Variants in MAF observed in about 807,000 individuals in gnomAD.
The protein encoded by MAF is MAF bZIP transcription factor.
A neutral mutation model predicts 22.0 loss-of-function variants in MAF; 10 were observed. The ratio of observed to expected loss-of-function variants is 0.45; its 90% confidence interval spans 0.28 to 0.77. MAF has a LOEUF of 0.77. Among genes scored for constraint, MAF ranks in the 30% least tolerant of loss-of-function variants. The pLI, the probability that MAF is intolerant of heterozygous loss-of-function variation, is 0.12. For missense variants in MAF, 544 were observed against 548.4 expected (o/e 0.99, Z 0.08); for synonymous variants, 337 against 255.8 (o/e 1.32, Z -3.03).
At chr16:79,560,951 A>T in the MAF span, among the ~76,000 whole-genome samples, 1 of 152,182 alleles carries the variant, frequency 6.6e-6, no homozygotes, top group African/African-American at 2.4e-5. Flanking sequence ...AACTGCATTC[A>T]AGGTTTGCTC....
At chr16:79,413,512 C>T in the MAF span, among the ~76,000 whole-genome samples, 21 of 151,444 alleles carry the variant, frequency 1.4e-4, no homozygotes, top group Admixed American at 1.3e-3. Context: ...GGATTACAAG[C>T]GTGAGCCACC....
chr16:79,272,264 C>G, the MAF span, among the ~76,000 whole-genome samples: 1 of 152,198 alleles, frequency 6.6e-6, no homozygotes, highest in Non-Finnish European at 1.5e-5. Flanking sequence ...CAGCAAACAC[C>G]AGGCGGAGAA....
chr16:79,394,607 T>A, the MAF span, among the ~76,000 whole-genome samples: 1 of 152,136 alleles, frequency 6.6e-6, no homozygotes, highest in Non-Finnish European at 1.5e-5. Flanking sequence ...TGGGTCAATA[T>A]CAGTACTTCC....
chr16:79,563,159 C>T, the MAF span, among the ~76,000 whole-genome samples: 39 of 152,248 alleles, frequency 2.6e-4, no homozygotes, highest in Non-Finnish European at 5.6e-4. Context: ...ACTGGACTTT[C>T]CAGACACCAA....
chr16:79,342,576 CCATCACTGTCACCATCACCATCAT>C, the MAF span, among the ~76,000 whole-genome samples: 1 of 152,078 alleles, frequency 6.6e-6, no homozygotes, highest in African/African-American at 2.4e-5. Context: ...ATCACCATCA[CCATCACTGTCACCATCACCATCAT>C]CATCATTGTC....
chr16:79,207,812 G>C, the MAF span, among the ~76,000 whole-genome samples: 4 of 151,106 alleles, frequency 2.6e-5, no homozygotes, highest in African/African-American at 9.7e-5. Context: ...ACCATATATT[G>C]TTTATCAGAA....
chr16:79,414,656 G>A, the MAF span, among the ~76,000 whole-genome samples: 4 of 152,272 alleles, frequency 2.6e-5, no homozygotes, highest in East Asian at 7.7e-4. Context: ...CTTGAAAGCT[G>A]GAAGGAAAAC....
chr16:79,433,765 G>C, the MAF span, among the ~76,000 whole-genome samples: 20 of 152,084 alleles, frequency 1.3e-4, no homozygotes, highest in African/African-American at 4.6e-4. Flanking sequence ...GAGATGTAGG[G>C]CTGGGACTTA....
the MAF span, among the ~76,000 whole-genome samples, chr16:79,370,977 C>A: frequency 6.6e-6 from 1 of 152,184 alleles, no homozygotes; most frequent in Non-Finnish European, 1.5e-5. Context: ...TTAAAAGAAC[C>A]ACCATTTTAT....
chr16:79,545,209 T>C, the MAF span, among the ~76,000 whole-genome samples: 1 of 152,186 alleles, frequency 6.6e-6, no homozygotes, highest in Non-Finnish European at 1.5e-5. Flanking sequence ...GGGCAGAACA[T>C]GCATTACAAA....
chr16:79,571,295 A>C, the MAF span, among the ~76,000 whole-genome samples: 1 of 152,068 alleles, frequency 6.6e-6, no homozygotes, highest in African/African-American at 2.4e-5. Context: ...AGTGGCTTCC[A>C]ACTTCTCTTT....
the MAF span, among the ~76,000 whole-genome samples, chr16:79,303,383 TTAAA>T: frequency 1.3e-5 from 2 of 152,164 alleles, no homozygotes; most frequent in African/African-American, 2.4e-5. Context: ...CAGTGGGAAG[TTAAA>T]GGCACTGCCT....
chr16:79,580,082 C>T, the MAF span, among the ~76,000 whole-genome samples: 3 of 152,076 alleles, frequency 2.0e-5, no homozygotes, highest in African/African-American at 7.2e-5. Context: ...AACAGAGTGA[C>T]ATTTCACCAC....
intron 1 of MAF, chr16:79,595,388 C>T: frequency 9.5e-7 from 1 of 1,052,310 alleles, no homozygotes; most frequent in East Asian, 5.4e-5. Flanking sequence ...AAAAATAAGT[C>T]TTTCAGTCAG....
chr16:79,319,402 T>C, the MAF span, among the ~76,000 whole-genome samples: 1 of 152,208 alleles, frequency 6.6e-6, no homozygotes, highest in Admixed American at 6.5e-5. Flanking sequence ...AATGTACATA[T>C]AGTGCTTCTT....
At chr16:79,447,809 G>A in the MAF span, among the ~76,000 whole-genome samples, 10 of 148,548 alleles carry the variant, frequency 6.7e-5, no homozygotes, top group African/African-American at 2.0e-4. Context: ...CAGGAGAATC[G>A]CTTGAGCCCA....
the MAF span, among the ~76,000 whole-genome samples, chr16:79,479,626 T>G: frequency 1 from 151,592 of 152,336 alleles, 75,432 homozygotes; most frequent in Middle Eastern, 1. Flanking sequence ...ATCTGAAGGG[T>G]AATCAGGCCA....
the MAF span, among the ~76,000 whole-genome samples, chr16:79,227,581 C>T: frequency 6.6e-6 from 1 of 151,974 alleles, no homozygotes; most frequent in Admixed American, 6.6e-5. Flanking sequence ...AACATTCATG[C>T]CCAGATTTTG....
chr16:79,391,144 C>T, the MAF span, among the ~76,000 whole-genome samples: 1 of 152,162 alleles, frequency 6.6e-6, no homozygotes, highest in Non-Finnish European at 1.5e-5. Flanking sequence ...AGTCAGAAAA[C>T]TCAGGTTCAA....
Sources: allele counts gnomAD v4.1 joint callset (sites outside exome capture counted in the v4.1 genomes callset), GRCh38; gene constraint gnomAD v4.1.1; transcripts MANE v1.5; gene names NCBI Gene and HGNC (gene_info 2026-07-23, HGNC 2026-07-21).